CYP4B1: variants seen among roughly 807,000 people sequenced by gnomAD.
CYP4B1 encodes the protein cytochrome P450 4B1.
A neutral mutation model predicts 54.0 loss-of-function variants in CYP4B1; 45 were observed. The ratio of observed to expected loss-of-function variants is 0.83; its 90% CI spans 0.66 to 1.07. The LOEUF is 1.07. CYP4B1 is among the 50% of genes least tolerant of loss of function. The probability of loss-of-function intolerance (pLI) is 0.00; values close to 1 mark genes in which losing one functional copy is unlikely to be tolerated. For synonymous variants in CYP4B1, 248 were observed against 247.5 expected (o/e 1.00, Z -0.02); for missense variants, 656 against 655.4 (o/e 1.00, Z -0.01).
chr1:46,811,651 AAGG>A (rs550916435), intron 3 of CYP4B1, among the ~76,000 whole-genome samples: 10 of 152,204 alleles, frequency 6.6e-5, no homozygotes, highest in Non-Finnish European at 1.3e-4. Context: ...CTGCCAGGAT[AAGG>A]AGGTGATTTG....
intron 1 of CYP4B1, among the ~76,000 whole-genome samples, chr1:46,801,022 G>A (rs967735631): frequency 5.9e-5 from 9 of 152,158 alleles, no homozygotes; most frequent in Non-Finnish European, 1.3e-4. Flanking sequence ...TTCAACTTCT[G>A]CACTAGACTT....
In CYP4B1 at chr1:46,799,236, A is replaced by G. The variant is rs772338414; in HGVS notation, c.155A>G (p.His52Arg). 3.6e-5 allele frequency: 57 copies of G among 1,599,736 alleles called. No homozygotes were observed. The highest frequency in any genetic ancestry group is 4.7e-5 in the Non-Finnish European group (55 of 1,173,086). ...AMDKFPGPPT[H>R]WLFGHALEIQ... Reference sequence around the variant, plus strand: ...GACAAATTCCCAGGGCCTCCCACCCACTGGCTTTTTGGACATGCCCTCGAG... The same window carrying G: ...GACAAATTCCCAGGGCCTCCCACCCGCTGGCTTTTTGGACATGCCCTCGAG... The change falls in exon 1 of 12, where the codon CAC becomes CGC. Residue 52 changes from histidine to arginine, a missense_variant. His to Arg is a conservative substitution (Grantham distance 29). Transcript: ENST00000371923.
intron 11 of CYP4B1, 84 bp downstream of exon 11, chr1:46,818,297 T>A: frequency 8.0e-7 from 1 of 1,256,188 alleles, no homozygotes; most frequent in Non-Finnish European, 1.2e-6. Flanking sequence ...TATTAGAAGG[T>A]ACTCTGAATA....
In CYP4B1 at chr1:46,814,204, T is replaced by C. The variant is rs1679236932; in HGVS notation, c.776-5T>C. The C allele has an allele frequency of 1.2e-6, 2 of 1,613,946 alleles. No individual in the cohort carries two copies. Among genetic ancestry groups the C allele is most frequent in the Admixed American group, 3.3e-5 (2 of 60,002 alleles). On this transcript the variant is annotated splice_polypyrimidine_tract_variant and splice_region_variant and intron_variant, in intron 6 of 11. Transcript: ENST00000371923. ...AGGCAGTGACACTCTGTGCTTTTGG[T>C]TCAGACCAGGTCATCAGGGAGCGGA...
At chr1:46,812,456 C>A in intron 3 of CYP4B1, 40 bp from the exon 4 acceptor site, 1 of 1,592,300 alleles carries the variant, frequency 6.3e-7, no homozygotes, top group Non-Finnish European at 8.6e-7. Flanking sequence ...GCTGCCAGGG[C>A]CTGGACTGAC....
At position 46,818,778 on chromosome 1, in the gene CYP4B1, C is replaced by G; in HGVS notation, c.1503C>G (p.Leu501=). The stretch of plus-strand genomic sequence containing the variant: ...TGCGCTCCAAGAATGGCTTTCACCT[C>G]CACCTGAAGCCACTGGGCCCTGGGT... ...LVLRSKNGFH[L]HLKPLGPGSG... is the part of the protein sequence containing the mutation. The change falls in exon 12 of 12, where the codon CTC becomes CTG. Residue 501 remains leucine, a synonymous_variant. Coordinates refer to ENST00000371923, the MANE Select transcript of CYP4B1 (RefSeq NM_001099772.2). 1.2e-6 allele frequency: 2 copies of G among 1,614,130 alleles called. No homozygotes were observed. The highest frequency in any genetic ancestry group is 2.2e-5 in the South Asian group (2 of 91,072).
rs370207511 is a variant in CYP4B1 at position 46,813,469 on chromosome 1, C to T, written c.496-13C>T. On this transcript the variant is annotated splice_polypyrimidine_tract_variant and intron_variant, in intron 4 of 11. Transcript: ENST00000371923. ...TCGCCTCCTACACATTGCCTCCTAT[C>T]CCTGGACTCCAGGACAAGTGGGAAG... The T allele has an allele frequency of 8.9e-5, 143 of 1,614,068 alleles. No individual in the cohort carries two copies. The African/African-American group carries it at 1.9e-3, about 21-fold the overall frequency.
At position 46,800,243 on chromosome 1, in the gene CYP4B1, TTCCTTCCTTCCTTCCTTCCTTCC is replaced by T. The variant is rs1557484759; in HGVS notation, c.180+984_180+1006del. On this transcript the variant is annotated intron_variant, in intron 1 of 11. Coordinates refer to ENST00000371923, the MANE Select transcript of CYP4B1 (RefSeq NM_001099772.2). ...TTTCTCTCTTTCTTTCTTTCTTTCC[TTCCTTCCTTCCTTCCTTCCTTCC>T]TTCCTTCCTTCCTTCCTTCCTTCCT... Among the ~76,000 whole-genome samples the T allele has an allele frequency of 4.9e-3, 78 of 15,822 alleles. 11 individuals carry two copies. The highest frequency in any genetic ancestry group is 9.0e-3 in the African/African-American group (77 of 8,572). 10.4% of individuals were successfully genotyped at this position (15,822 alleles called of 152,430 possible).
intron 8 of CYP4B1, 47 bp downstream of exon 8, chr1:46,815,311 G>A (rs1381030396): frequency 1.3e-6 from 2 of 1,491,122 alleles, no homozygotes; most frequent in African/African-American, 2.8e-5. Flanking sequence ...CCCTTGGGAA[G>A]GGCGATGCCC....
Position 46,809,766 on chromosome 1 carries a change from T to A in CYP4B1, c.181-1042T>A, listed in dbSNP as rs1481469885. On this transcript the variant is annotated intron_variant, in intron 1 of 11. Coordinates refer to ENST00000371923, the MANE Select transcript of CYP4B1 (RefSeq NM_001099772.2). ...AAGACTCCCACTAAATGGGGAAAAA[T>A]AGTTAAATACATTATGGTACATCCT... Among the ~76,000 whole-genome samples, 5 of 152,112 alleles carry A rather than the reference T, an allele frequency of 3.3e-5. No homozygotes were observed. In the East Asian group the frequency reaches 9.6e-4, roughly 29 times the overall value.
chr1:46,799,833 C>T (rs1276107531), intron 1 of CYP4B1, among the ~76,000 whole-genome samples: 4 of 152,226 alleles, frequency 2.6e-5, no homozygotes, highest in East Asian at 3.9e-4. Context: ...GATCATGGTT[C>T]GTCTTCCTGT....
chr1:46,812,464 G>T, intron 3 of CYP4B1, 32 bp from the exon 4 acceptor site: 2 of 1,599,776 alleles, frequency 1.3e-6, no homozygotes, highest in South Asian at 1.1e-5. Context: ...GGCCTGGACT[G>T]ACCAGCCCTC....
intron 1 of CYP4B1, 84 bp downstream of exon 1, chr1:46,799,345 G>T: frequency 1.5e-6 from 2 of 1,300,862 alleles, no homozygotes; most frequent in Non-Finnish European, 2.1e-6. Flanking sequence ...AGGGGGCTGT[G>T]GAGGGAGACT....
chr1:46,815,857 G>T (rs189187151), intron 8 of CYP4B1, among the ~76,000 whole-genome samples: 9 of 152,262 alleles, frequency 5.9e-5, no homozygotes, highest in African/African-American at 2.2e-4. Context: ...CTCTCAAGAG[G>T]CTCCTTCACC....
chr1:46,816,017 T>G (rs769666715), intron 8 of CYP4B1, among the ~76,000 whole-genome samples: 1 of 152,174 alleles, frequency 6.6e-6, no homozygotes. Flanking sequence ...TAGATCCACT[T>G]GAAAGGGACT....
At chr1:46,809,653 C>T (rs1292798455) in intron 1 of CYP4B1, among the ~76,000 whole-genome samples, 1 of 152,220 alleles carries the variant, frequency 6.6e-6, no homozygotes, top group East Asian at 1.9e-4. Flanking sequence ...AAAGATTAGT[C>T]ATTACCATGC....
chr1:46,807,637 C>T (rs879582402), intron 1 of CYP4B1, among the ~76,000 whole-genome samples: 3 of 152,186 alleles, frequency 2.0e-5, no homozygotes, highest in Non-Finnish European at 2.9e-5. Flanking sequence ...TTTTTGACAT[C>T]GTGTACTCAA....
Position 46,818,114 on chromosome 1 carries a change from A to G in CYP4B1, c.1273-17A>G. 1 of 1,614,062 alleles carries G rather than the reference A, an allele frequency of 6.2e-7. No individual in the cohort carries two copies. Among genetic ancestry groups the G allele is most frequent in the Non-Finnish European group, 8.5e-7 (1 of 1,179,918 alleles). The stretch of plus-strand genomic sequence containing the variant: ...GCCAGAACCTGGCGAGTGTTTAAGC[A>G]AGGCCTGTCCCTTCAGGTCTTTGAC... On this transcript the variant is annotated splice_polypyrimidine_tract_variant and intron_variant, in intron 10 of 11. Transcript: ENST00000371923.
intron 3 of CYP4B1, among the ~76,000 whole-genome samples, chr1:46,811,928 C>T (rs915788774): frequency 6.6e-6 from 1 of 152,140 alleles, no homozygotes; most frequent in Non-Finnish European, 1.5e-5. Flanking sequence ...TTCTAACCCT[C>T]TTTTTAGTTA....
Sources: gnomAD v4.1 joint callset for allele counts (sites outside exome capture counted in the v4.1 genomes callset) on GRCh38, gnomAD v4.1.1 for gene constraint, MANE v1.5 for transcripts, NCBI Gene and HGNC (gene_info 2026-07-23, HGNC 2026-07-21) for gene names.